SH2D4B: variants seen among roughly 807,000 people sequenced by gnomAD.
The protein encoded by SH2D4B is SH2 domain containing 4B.
Under a neutral mutation model 61.5 loss-of-function variants are expected in SH2D4B, and 45 were observed. The ratio of observed to expected loss-of-function variants is 0.73; its 90% CI spans 0.58 to 0.94. The LOEUF is 0.94. Ranked by LOEUF, SH2D4B falls within the 40% of genes least tolerant of loss-of-function variation. The pLI is 0.00. For missense variants in SH2D4B, 572 were observed against 574.2 expected, an observed-to-expected ratio of 1.00 and a Z score of 0.04; for synonymous variants, 224 against 220.4, an observed-to-expected ratio of 1.02 and a Z score of -0.14.
intron 5 of SH2D4B, among the ~76,000 whole-genome samples, chr10:80,606,266 CTT>C (rs201730892): frequency 2.0e-4 from 28 of 139,030 alleles, no homozygotes; most frequent in Admixed American, 4.3e-4. Context: ...TATTTATACT[CTT>C]TTTTTTTTTT....
At chr10:80,597,267 T>C (rs1842395101) in intron 4 of SH2D4B, among the ~76,000 whole-genome samples, 1 of 152,116 alleles carries the variant, frequency 6.6e-6, no homozygotes, top group African/African-American at 2.4e-5. Context: ...TGCCAACCAT[T>C]GTATTAGACA....
chr10:80,549,334 C>T (rs1254347852), intron 1 of SH2D4B, among the ~76,000 whole-genome samples: 1 of 152,052 alleles, frequency 6.6e-6, no homozygotes, highest in East Asian at 1.9e-4. Flanking sequence ...CCTTGAGATC[C>T]GGTATGGCCC....
chr10:80,603,306 G>T (rs1013331279), intron 4 of SH2D4B, among the ~76,000 whole-genome samples: 1 of 152,106 alleles, frequency 6.6e-6, no homozygotes, highest in South Asian at 2.1e-4. Context: ...ACCCTAAACC[G>T]TCAGGGTATC....
chr10:80,594,151 A>C (rs1842361820), intron 4 of SH2D4B, among the ~76,000 whole-genome samples: 1 of 152,210 alleles, frequency 6.6e-6, no homozygotes, highest in Non-Finnish European at 1.5e-5. Context: ...CCTTGGGTTC[A>C]GGAAGTTCCA....
intron 1 of SH2D4B, among the ~76,000 whole-genome samples, chr10:80,568,434 A>G (rs2132116564): frequency 6.6e-6 from 1 of 152,262 alleles, no homozygotes; most frequent in East Asian, 1.9e-4. Flanking sequence ...AGCATCCTCA[A>G]TAAAAGGCTA....
At chr10:80,613,337 A>G (rs1367026340) in intron 6 of SH2D4B, among the ~76,000 whole-genome samples, 1 of 152,230 alleles carries the variant, frequency 6.6e-6, no homozygotes, top group East Asian at 1.9e-4. Flanking sequence ...TCAAAATTCG[A>G]CATGTATCTA....
intron 4 of SH2D4B, among the ~76,000 whole-genome samples, chr10:80,589,379 A>G (rs922192247): frequency 5.3e-5 from 8 of 152,182 alleles, no homozygotes; most frequent in Non-Finnish European, 5.9e-5. Context: ...ACAAAAAAAT[A>G]AGAAGTATTA....
At chr10:80,587,514 G>C (rs1451202868) in intron 3 of SH2D4B, among the ~76,000 whole-genome samples, 1 of 152,020 alleles carries the variant, frequency 6.6e-6, no homozygotes, top group African/African-American at 2.4e-5. Flanking sequence ...TCTGACCTCA[G>C]GTGATCCGCC....
chr10:80,541,623 A>C (rs1841580672), intron 1 of SH2D4B, among the ~76,000 whole-genome samples: 1 of 152,118 alleles, frequency 6.6e-6, no homozygotes, highest in African/African-American at 2.4e-5. Context: ...CGCTCCTGGC[A>C]AGCCTGGCTT....
rs557211383 is a variant in SH2D4B, at chr10:80,592,529, A to G, written c.643+3752A>G. On this transcript the variant is annotated intron_variant, in intron 4 of 7. Coordinates refer to ENST00000646907, the MANE Select transcript of SH2D4B (RefSeq NM_001388272.1). Reference sequence around the variant, plus strand: ...TTTAGCCCTTACATTTAGGTCTTTGATCCATTTTGATTTAATTTTTGTGTG... The same window carrying G: ...TTTAGCCCTTACATTTAGGTCTTTGGTCCATTTTGATTTAATTTTTGTGTG... Among the ~76,000 whole-genome samples the G allele has an allele frequency of 6.6e-5, 10 of 152,152 alleles. No individual in the cohort carries two copies. The East Asian group carries it at 1.7e-3, about 26-fold the overall frequency.
At chr10:80,569,364 T>C (rs553479891) in intron 1 of SH2D4B, among the ~76,000 whole-genome samples, 36 of 152,220 alleles carry the variant, frequency 2.4e-4, no homozygotes, top group Admixed American at 2.2e-3. Flanking sequence ...TGTAGCAAAG[T>C]CCAAAGCTTG....
At chr10:80,635,273 G>T (rs762000408) in intron 7 of SH2D4B, among the ~76,000 whole-genome samples, 1 of 152,174 alleles carries the variant, frequency 6.6e-6, no homozygotes, top group East Asian at 1.9e-4. Context: ...TCGTGTGGCC[G>T]TTGGCATCAT....
chr10:80,587,151 G>GTTTTTTT (rs58312366), intron 3 of SH2D4B, among the ~76,000 whole-genome samples: 2 of 48,384 alleles, frequency 4.1e-5, no homozygotes, highest in Non-Finnish European at 3.5e-5. Context: ...TTTTTGTTTT[G>GTTTTTTT]TTTTTTTTTT....
chr10:80,543,376 G>A (rs981203737), intron 1 of SH2D4B, among the ~76,000 whole-genome samples: 15 of 152,154 alleles, frequency 9.9e-5, no homozygotes, highest in Non-Finnish European at 1.8e-4. Context: ...CCGGCCCGGG[G>A]CAGTGAGGGG....
At chr10:80,544,460 G>C (rs114501831) in intron 1 of SH2D4B, among the ~76,000 whole-genome samples, 2 of 152,220 alleles carry the variant, frequency 1.3e-5, no homozygotes, top group African/African-American at 4.8e-5. Context: ...TCCAGACACA[G>C]AGTCACTCCC....
At position 80,570,165 on chromosome 10, in the gene SH2D4B, A is replaced by G. The variant is rs562855901; in HGVS notation, c.196A>G (p.Lys66Glu). The change falls in exon 2 of 8, where the codon AAG becomes GAG. Residue 66 changes from lysine to glutamate, a missense_variant. By Grantham distance (56) the Lys-to-Glu change is moderately conservative. Transcript: ENST00000646907. ...PPKTKRAASD[K>E]HIQWLLGADG... ...CTTCTATTGTGAAGCAGCGAGTGAC[A>G]AGCACATCCAATGGCTCCTAGGGGC... The G allele has an allele frequency of 6.2e-6, 10 of 1,614,030 alleles. No individual in the cohort carries two copies. The South Asian group carries it at 9.9e-5, about 16-fold the overall frequency.
At chr10:80,641,268 G>A (rs1374919587) in intron 7 of SH2D4B, among the ~76,000 whole-genome samples, 6 of 152,262 alleles carry the variant, frequency 3.9e-5, no homozygotes, top group African/African-American at 1.4e-4. Context: ...CACTTGAGGA[G>A]GCAGTCTGTC....
At chr10:80,637,409 T>C (rs938228065) in intron 7 of SH2D4B, among the ~76,000 whole-genome samples, 90 of 152,306 alleles carry the variant, frequency 5.9e-4, no homozygotes, top group African/African-American at 2.1e-3. Flanking sequence ...ATTGATTCTT[T>C]CTATCCATGA....
rs114549186 is a variant in SH2D4B, at chr10:80,569,162, C to T, written c.185-992C>T. Reference sequence around the variant, plus strand: ...ACAGGTTTATTTCTTGCTAGTGTCACGGTCTGTTGTGGGACTGGGAGACTC... The same window carrying T: ...ACAGGTTTATTTCTTGCTAGTGTCATGGTCTGTTGTGGGACTGGGAGACTC... On this transcript the variant is annotated intron_variant, in intron 1 of 7. Transcript: ENST00000646907. 4.1e-3 allele frequency among the ~76,000 whole-genome samples: 621 copies of T among 152,306 alleles called. 2 individuals carry two copies. The highest frequency in any genetic ancestry group is 0.014 in the African/African-American group (588 of 41,560).
Sources: gnomAD v4.1 joint callset for allele counts (sites outside exome capture counted in the v4.1 genomes callset) on GRCh38, gnomAD v4.1.1 for gene constraint, MANE v1.5 for transcripts, NCBI Gene and HGNC (gene_info 2026-07-23, HGNC 2026-07-21) for gene names.